Variants in TENM3 observed in about 807,000 individuals in gnomAD.
TENM3 encodes the protein teneurin-3.
Under a neutral mutation model 255.1 loss-of-function variants are expected in TENM3, and 63 were observed. The observed-to-expected ratio is 0.25, with a 90% CI of 0.20 to 0.30. The LOEUF is 0.30. Ranked by LOEUF, TENM3 falls within the 10% of genes least tolerant of loss-of-function variation. The pLI is 1.00. For missense variants in TENM3, 2,929 were observed against 3,461.1 expected (o/e 0.85, Z 3.86); for synonymous variants, 1,306 against 1,322.3 (o/e 0.99, Z 0.27).
the TENM3 span, among the ~76,000 whole-genome samples, chr4:181,564,566 T>A: frequency 2.0e-5 from 3 of 152,112 alleles, no homozygotes; most frequent in Non-Finnish European, 4.4e-5. Context: ...AAGCTCGCCA[T>A]TAAACAGTGT....
chr4:182,273,889 G>C (rs921576108), intron 1 of TENM3, among the ~76,000 whole-genome samples: 1 of 152,218 alleles, frequency 6.6e-6, no homozygotes, highest in Non-Finnish European at 1.5e-5. Flanking sequence ...GTATTCTAAA[G>C]ATTAAAGCAT....
the TENM3 span, among the ~76,000 whole-genome samples, chr4:181,451,931 A>G: frequency 6.6e-6 from 1 of 152,144 alleles, no homozygotes; most frequent in Admixed American, 6.5e-5. Context: ...AAGATCTTGA[A>G]CAGAAAGCAA....
intron 1 of TENM3, among the ~76,000 whole-genome samples, chr4:182,270,559 T>A (rs955854452): frequency 6.6e-6 from 1 of 152,142 alleles, no homozygotes; most frequent in Non-Finnish European, 1.5e-5. Context: ...TGGAATTCAG[T>A]TTTTCAGGTT....
chr4:181,641,605 G>GTA, the TENM3 span, among the ~76,000 whole-genome samples: 56 of 62,914 alleles, frequency 8.9e-4, no homozygotes, highest in African/African-American at 3.5e-3. Flanking sequence ...GTGTGTGTGT[G>GTA]TATATATATA....
chr4:182,792,740 A>G lies in TENM3; in HGVS notation c.6068A>G (p.Asn2023Ser), dbSNP rs1766207273. Residue 2023 changes from asparagine to serine, a missense_variant, in exon 26 of 28, where the codon AAC becomes AGC. Physicochemically the swap from Asn to Ser is conservative, Grantham distance 46 (BLOSUM62 1). Around this residue, in one of 6 missense-constraint regions of TENM3, gnomAD observed 303 missense variants for 425.2 expected, o/e 0.71. Transcript: ENST00000511685. This position sits in a 1 kb window ranked among gnomAD's most constrained non-coding sequence, Gnocchi z 6.3. Reference sequence around the variant, plus strand: ...GCAAGATTTGACTATAGCTATGACAACAGCTTTCGAGTGACCAGCATGCAG... The same window carrying G: ...GCAAGATTTGACTATAGCTATGACAGCAGCTTTCGAGTGACCAGCATGCAG... The part of the protein sequence containing the change: ...VNARFDYSYD[N>S]SFRVTSMQGV... 4 of 1,613,838 alleles carry G rather than the reference A, an allele frequency of 2.5e-6. No individual in the cohort carries two copies. The highest frequency in any genetic ancestry group is 3.4e-6 in the Non-Finnish European group (4 of 1,179,914).
At chr4:182,405,379 C>T (rs1301029922) in intron 3 of TENM3, among the ~76,000 whole-genome samples, 2 of 152,196 alleles carry the variant, frequency 1.3e-5, no homozygotes, top group African/African-American at 4.8e-5. Flanking sequence ...CCTTTGTATA[C>T]TGATGAGAGC....
At chr4:182,528,030 C>A (rs1739393437) in intron 3 of TENM3, among the ~76,000 whole-genome samples, 1 of 152,136 alleles carries the variant, frequency 6.6e-6, no homozygotes, top group Non-Finnish European at 1.5e-5. Flanking sequence ...CCGGTCTAGG[C>A]CAGAGATTTT....
At chr4:182,194,222 A>G (rs970754415) in intron 1 of TENM3, among the ~76,000 whole-genome samples, 3 of 152,176 alleles carry the variant, frequency 2.0e-5, no homozygotes, top group Admixed American at 2.0e-4. Flanking sequence ...ATCAAATGGT[A>G]TCCTTGATCC....
intron 1 of TENM3, among the ~76,000 whole-genome samples, chr4:182,231,435 T>G (rs1464599336): frequency 6.6e-6 from 1 of 152,210 alleles, no homozygotes; most frequent in East Asian, 1.9e-4. Context: ...TTATGTCTGT[T>G]ATTATAAATA....
chr4:182,366,593 G>A (rs750157143), intron 3 of TENM3, among the ~76,000 whole-genome samples: 10 of 152,198 alleles, frequency 6.6e-5, no homozygotes, highest in Middle Eastern at 3.4e-3. Context: ...TTTCAGCAAT[G>A]AGACATCAAT....
At chr4:181,486,910 TAGAA>T in the TENM3 span, among the ~76,000 whole-genome samples, 5 of 152,118 alleles carry the variant, frequency 3.3e-5, no homozygotes, top group Admixed American at 6.5e-5. Context: ...AATCTTCTAA[TAGAA>T]AGTTATTTGT....
the TENM3 span, among the ~76,000 whole-genome samples, chr4:181,565,236 G>A: frequency 0.29 from 43,540 of 152,090 alleles, 6,297 homozygotes; most frequent in Non-Finnish European, 0.31. Flanking sequence ...CAAACTGCAG[G>A]ATAGGAGAGT....
intron 2 of TENM3, among the ~76,000 whole-genome samples, chr4:182,328,771 C>A (rs1223456805): frequency 9.2e-5 from 14 of 152,098 alleles, no homozygotes; most frequent in African/African-American, 3.1e-4. Flanking sequence ...GCACTCCCAG[C>A]CCCCAGAAGC....
At chr4:181,622,862 G>A in the TENM3 span, among the ~76,000 whole-genome samples, 8 of 152,172 alleles carry the variant, frequency 5.3e-5, no homozygotes, top group South Asian at 8.3e-4. Flanking sequence ...TTTAGGTACC[G>A]AGTGAAGTCA....
the TENM3 span, among the ~76,000 whole-genome samples, chr4:181,902,928 G>C: frequency 6.6e-6 from 1 of 152,168 alleles, no homozygotes; most frequent in East Asian, 1.9e-4. Context: ...AGTAGCATTC[G>C]TTGTAGAATA....
chr4:182,795,685 G>A (rs990920957), intron 26 of TENM3, among the ~76,000 whole-genome samples: 2 of 152,206 alleles, frequency 1.3e-5, no homozygotes, highest in African/African-American at 4.8e-5. Context: ...GGGGCTGACT[G>A]AAAGTCTGGA....
the TENM3 span, among the ~76,000 whole-genome samples, chr4:181,728,405 C>A: frequency 6.6e-6 from 1 of 152,170 alleles, no homozygotes; most frequent in Non-Finnish European, 1.5e-5. Context: ...AATATACTTA[C>A]AGTTATTTCT....
chr4:181,882,490 T>C, the TENM3 span, among the ~76,000 whole-genome samples: 91,112 of 152,038 alleles, frequency 0.6, 27,813 homozygotes, highest in Middle Eastern at 0.67. Context: ...CTTCTCAGAA[T>C]TAGAGGGTGA....
chr4:181,835,989 G>A, the TENM3 span, among the ~76,000 whole-genome samples: 1 of 151,956 alleles, frequency 6.6e-6, no homozygotes, highest in Non-Finnish European at 1.5e-5. Flanking sequence ...TCCCTATTCT[G>A]TACAGTTTTT....
Sources: allele counts gnomAD v4.1 joint callset (sites outside exome capture counted in the v4.1 genomes callset), GRCh38; gene constraint gnomAD v4.1.1; regional missense constraint gnomAD v4.1.1; non-coding constraint Gnocchi (gnomAD v3.1); transcripts MANE v1.5; gene names NCBI Gene and HGNC (gene_info 2026-07-23, HGNC 2026-07-21).